DENND2C: variants seen among roughly 807,000 people sequenced by gnomAD.
The protein encoded by DENND2C is DENN domain containing 2C, also known as DENN domain-containing protein 2C.
In DENND2C, 72 loss-of-function variants were observed where a neutral mutation model predicts 112.4. The observed-to-expected ratio is 0.64, with a 90% confidence interval of 0.53 to 0.78. The LOEUF (loss-of-function observed/expected upper bound fraction) is 0.78, where lower values mean the gene tolerates loss of function less well. Ranked by LOEUF, DENND2C falls within the 30% of genes least tolerant of loss-of-function variation. DENND2C has a pLI of 0.00. For synonymous variants in DENND2C, 329 were observed against 381.6 expected (o/e 0.86, Z 1.61); for missense variants, 992 against 1,113.8 (o/e 0.89, Z 1.56).
At position 114,600,929 on chromosome 1, in the gene DENND2C, A is replaced by AT. The variant is rs1557941079; in HGVS notation, c.1846dup (p.Met616AsnfsTer28). Reference sequence around the variant, plus strand: ...GAATGGGTAAACAAGGGCTGGAGACATTTCTCTTCTCTTCTCTACTTCATC... The same window carrying AT: ...GAATGGGTAAACAAGGGCTGGAGACATTTTCTCTTCTCTTCTCTACTTCATC... On this transcript the variant is annotated frameshift_variant, in exon 14 of 21. Coordinates refer to ENST00000393274, the MANE Select transcript of DENND2C (RefSeq NM_001256404.2). LOFTEE classifies it high-confidence loss of function. 1 of 1,613,772 alleles carries AT rather than the reference A, an allele frequency of 6.2e-7. No homozygotes were observed. The highest frequency in any genetic ancestry group is 8.5e-7 in the Non-Finnish European group (1 of 1,179,760).
intron 1 of DENND2C, among the ~76,000 whole-genome samples, chr1:114,667,080 T>A (rs1490613619): frequency 6.6e-6 from 1 of 152,196 alleles, no homozygotes; most frequent in Non-Finnish European, 1.5e-5. Flanking sequence ...AAACATACCA[T>A]ATACTTGCAC....
At position 114,647,182 on chromosome 1, in the gene DENND2C, A is replaced by C. The variant is rs367682422; in HGVS notation, c.-316-1623T>G. ...ATCTTAAAAAAAAAAAGAGAGAGAGAGAGAGAGAGAATATTCAGGGGTCTG... is the reference window on the plus strand; with the variant it reads ...ATCTTAAAAAAAAAAAGAGAGAGAGCGAGAGAGAGAATATTCAGGGGTCTG... On this transcript the variant is annotated intron_variant, in intron 2 of 20. Coordinates refer to ENST00000393274, the MANE Select transcript of DENND2C (RefSeq NM_001256404.2). Among the ~76,000 whole-genome samples, 189 of 151,080 alleles carry C rather than the reference A, an allele frequency of 1.3e-3. 1 individual carries two copies. The highest frequency in any genetic ancestry group is 4.2e-3 in the African/African-American group (175 of 41,180).
In DENND2C at chr1:114,585,380, G is replaced by A. The variant is rs984176734; in HGVS notation, c.*220C>T. On this transcript the variant is annotated 3_prime_UTR_variant, in exon 21 of 21. Transcript: ENST00000393274. ...AAAAGGCTGCTATAAAAAAAAAATGGAGACAGAGTAAAGATGGCATGGTGC... is the reference window on the plus strand; with the variant it reads ...AAAAGGCTGCTATAAAAAAAAAATGAAGACAGAGTAAAGATGGCATGGTGC... 5 of 448,556 alleles carry A rather than the reference G, an allele frequency of 1.1e-5. No homozygotes were observed. Among genetic ancestry groups the A allele is most frequent in the Non-Finnish European group, 2.0e-5 (5 of 248,200 alleles). 27.8% of individuals were successfully genotyped at this position (448,556 alleles called of 1,614,324 possible).
At chr1:114,587,677 T>TCA in intron 19 of DENND2C, 39 bp downstream of exon 19, 1 of 1,539,368 alleles carries the variant, frequency 6.5e-7, no homozygotes, top group Non-Finnish European at 8.8e-7. Context: ...TTCAAGGTAT[T>TCA]CACTAAATAG....
chr1:114,587,851 G>T lies in DENND2C; in HGVS notation c.2533C>A (p.Arg845Ser). The T allele has an allele frequency of 6.2e-7, 1 of 1,613,968 alleles. No homozygotes were observed. The highest frequency in any genetic ancestry group is 1.1e-5 in the South Asian group (1 of 91,074). ...LNMTVTERGE[R>S]VFQREPFRKS... ...CGGAATGGTTCCCTTTGGAAAACAC[G>T]CTCCCCACGCTCAGTGACAGTCATG... The change falls in exon 19 of 21, where the codon CGT (arginine) becomes AGT (serine). Residue 845 changes from arginine to serine, a missense_variant. Arg to Ser is a moderately radical substitution (Grantham distance 110). Around this residue, in one of 3 missense-constraint regions of DENND2C, gnomAD observed 516 missense variants for 623.6 expected, o/e 0.83. Coordinates refer to ENST00000393274, the MANE Select transcript of DENND2C (RefSeq NM_001256404.2).
chr1:114,599,187 C>T, intron 16 of DENND2C, 87 bp downstream of exon 16: 4 of 991,916 alleles, frequency 4.0e-6, no homozygotes, highest in South Asian at 6.1e-5. Context: ...ATAGTAATAA[C>T]TAAATTAATA....
chr1:114,622,610 TCA>T (rs1421389586), intron 6 of DENND2C, among the ~76,000 whole-genome samples: 1 of 152,122 alleles, frequency 6.6e-6, no homozygotes. Flanking sequence ...AAACAATGGC[TCA>T]CAGTTTTCAT....
intron 10 of DENND2C, among the ~76,000 whole-genome samples, chr1:114,606,393 T>C (rs926235963): frequency 2.0e-5 from 3 of 152,220 alleles, no homozygotes; most frequent in African/African-American, 7.2e-5. Context: ...GAAATGTCTC[T>C]TAGATTCCAG....
chr1:114,591,269 G>C (rs1323721114), intron 18 of DENND2C, among the ~76,000 whole-genome samples: 1 of 152,126 alleles, frequency 6.6e-6, no homozygotes, highest in Non-Finnish European at 1.5e-5. Flanking sequence ...TGCCTGGACA[G>C]ATTTTTTAGT....
intron 18 of DENND2C, among the ~76,000 whole-genome samples, chr1:114,589,935 T>C (rs947494553): frequency 2.6e-5 from 4 of 152,208 alleles, no homozygotes; most frequent in African/African-American, 9.7e-5. Context: ...AGAGTGACCA[T>C]GGAATTTTGT....
At chr1:114,659,662 C>G (rs1396643499) in intron 1 of DENND2C, among the ~76,000 whole-genome samples, 3 of 152,196 alleles carry the variant, frequency 2.0e-5, no homozygotes, top group Non-Finnish European at 4.4e-5. Context: ...CCAAAAGCAG[C>G]AACTTTGCAA....
At chr1:114,652,542 G>A (rs1255635345) in intron 2 of DENND2C, among the ~76,000 whole-genome samples, 1 of 151,942 alleles carries the variant, frequency 6.6e-6, no homozygotes, top group African/African-American at 2.4e-5. Context: ...TGGTATGTGT[G>A]GGGATTGGTT....
chr1:114,591,203 A>G (rs1361542191), intron 18 of DENND2C, among the ~76,000 whole-genome samples: 2 of 152,116 alleles, frequency 1.3e-5, no homozygotes, highest in African/African-American at 4.8e-5. Context: ...CCTGGGCTCA[A>G]GTGATTCTCC....
At chr1:114,589,809 A>T (rs1228104968) in intron 18 of DENND2C, among the ~76,000 whole-genome samples, 4 of 152,202 alleles carry the variant, frequency 2.6e-5, no homozygotes, top group Non-Finnish European at 5.9e-5. Flanking sequence ...ATTTTATAAC[A>T]TCACAAGTGA....
chr1:114,649,270 T>C (rs1455048999), intron 2 of DENND2C, among the ~76,000 whole-genome samples: 5 of 152,172 alleles, frequency 3.3e-5, no homozygotes, highest in African/African-American at 1.2e-4. Context: ...CACTTAATTA[T>C]CCTTTTAAAA....
chr1:114,587,937 G>T lies in DENND2C; in HGVS notation c.2447C>A (p.Ser816Tyr), dbSNP rs1009171450. The change falls in exon 19 of 21, where the codon TCT becomes TAT. Residue 816 changes from serine to tyrosine, a missense_variant. This residue lies in a region of DENND2C where 516 missense variants were observed against 623.6 expected (regional missense o/e 0.83). Transcript: ENST00000393274. The stretch of plus-strand genomic sequence containing the variant: ...CCTGACAAATGCTTCGGACACCAGA[G>T]AGTTGAGTGTCACATCTGCTGCAAC... ...QNFSQDVTLN[S>Y]LVSEAFVRFF... is the part of the protein sequence containing the mutation. The T allele has an allele frequency of 1.2e-6, 2 of 1,613,944 alleles. No individual in the cohort carries two copies. The highest frequency in any genetic ancestry group is 1.7e-6 in the Non-Finnish European group (2 of 1,180,024).
At chr1:114,655,208 T>C (rs1452363246) in intron 1 of DENND2C, among the ~76,000 whole-genome samples, 1 of 152,194 alleles carries the variant, frequency 6.6e-6, no homozygotes, top group Non-Finnish European at 1.5e-5. Context: ...AATGGTTAAA[T>C]GGCAGAGCAT....
chr1:114,611,533 A>G (rs939477356), intron 8 of DENND2C, among the ~76,000 whole-genome samples: 1 of 152,200 alleles, frequency 6.6e-6, no homozygotes, highest in African/African-American at 2.4e-5. Flanking sequence ...CTATAAATTT[A>G]GAATAACAGG....
At chr1:114,605,631 A>G (rs1655639339) in intron 10 of DENND2C, among the ~76,000 whole-genome samples, 1 of 152,174 alleles carries the variant, frequency 6.6e-6, no homozygotes. Context: ...ATCTCTACAA[A>G]AAATAGAAAA....
Sources: gnomAD v4.1 joint callset for allele counts (sites outside exome capture counted in the v4.1 genomes callset) on GRCh38, gnomAD v4.1.1 for gene constraint, gnomAD v4.1.1 regional missense constraint, MANE v1.5 for transcripts, NCBI Gene and HGNC (gene_info 2026-07-23, HGNC 2026-07-21) for gene names.